The following UIMC1 variants were observed in gnomAD, a reference collection of about 807,000 sequenced individuals.
The protein encoded by UIMC1 is ubiquitin interaction motif containing 1, also known as BRCA1-A complex subunit RAP80.
Under a neutral mutation model 84.9 loss-of-function variants are expected in UIMC1, and 42 were observed. That is an observed-to-expected ratio of 0.49 (90% CI 0.39 to 0.64). UIMC1 has a LOEUF of 0.64. Ranked by LOEUF, UIMC1 falls within the 30% of genes least tolerant of loss-of-function variation. The pLI is 0.00. For synonymous variants in UIMC1, 281 were observed against 293.0 expected, an observed-to-expected ratio of 0.96 and a Z score of 0.42; for missense variants, 825 against 847.6, an observed-to-expected ratio of 0.97 and a Z score of 0.33.
chr5:176,939,256 C>CAAAAAAAA, intron 10 of UIMC1, among the ~76,000 whole-genome samples: 1 of 71,886 alleles, frequency 1.4e-5, no homozygotes, highest in Non-Finnish European at 2.8e-5. Context: ...GATCCTGTCT[C>CAAAAAAAA]AAAAAAAAAA....
chr5:177,014,653 A>G (rs1224170345), intron 1 of UIMC1, among the ~76,000 whole-genome samples: 1 of 152,026 alleles, frequency 6.6e-6, no homozygotes. Flanking sequence ...AGGTGAAATC[A>G]CAGTACTTCA....
chr5:176,943,663 GC>G (rs1410259647), intron 9 of UIMC1, among the ~76,000 whole-genome samples, 175 bp from the exon 10 acceptor site: 6 of 152,222 alleles, frequency 3.9e-5, no homozygotes, highest in African/African-American at 1.2e-4. Flanking sequence ...CTTATTCAGT[GC>G]CTTATACTGC....
intron 1 of UIMC1, among the ~76,000 whole-genome samples, chr5:176,993,917 A>G (rs557200161): frequency 6.6e-6 from 1 of 152,048 alleles, no homozygotes; most frequent in South Asian, 2.1e-4. Context: ...CTGAGGCAGG[A>G]GAACTGCTTG....
At chr5:176,981,828 A>G (rs1303989621) in intron 2 of UIMC1, among the ~76,000 whole-genome samples, 1 of 152,228 alleles carries the variant, frequency 6.6e-6, no homozygotes, top group East Asian at 1.9e-4. Context: ...AGAAAATCTG[A>G]AGGAAAAAAC....
At position 177,021,786 on chromosome 5, in the gene UIMC1, G is replaced by A. The variant is rs571040682; in HGVS notation, c.-9+678C>T. Among the ~76,000 whole-genome samples the A allele has an allele frequency of 3.0e-4, 46 of 152,232 alleles. 1 individual carries two copies. Among genetic ancestry groups the A allele is most frequent in the African/African-American group, 1.1e-3 (45 of 41,542 alleles). ...TCCTGGCTCAGCCTCCGAGTAGATG[G>A]GATTACAGGCATGTGCCACCACACC... On this transcript the variant is annotated intron_variant, in intron 1 of 5. Transcript: ENST00000509236.
intron 3 of UIMC1, 146 bp from the exon 4 acceptor site, chr5:176,971,012 C>T (rs1769121535): frequency 1.7e-6 from 2 of 1,182,382 alleles, no homozygotes. Context: ...TGAGGAAAAC[C>T]CCAGAAGGAA....
chr5:176,936,112 C>T (rs1253955366), intron 10 of UIMC1, among the ~76,000 whole-genome samples: 4 of 152,182 alleles, frequency 2.6e-5, no homozygotes, highest in Non-Finnish European at 5.9e-5. Flanking sequence ...TTTTATGTCT[C>T]ACCATCACAC....
chr5:176,911,050 T>C (rs762803091), intron 11 of UIMC1, among the ~76,000 whole-genome samples: 6 of 147,928 alleles, frequency 4.1e-5, no homozygotes, highest in Non-Finnish European at 8.9e-5. Context: ...GATTACGCCA[T>C]TGCACTCCAG....
At chr5:176,906,722 C>T (rs1479759600) in intron 13 of UIMC1, among the ~76,000 whole-genome samples, 2 of 152,114 alleles carry the variant, frequency 1.3e-5, no homozygotes, top group Non-Finnish European at 2.9e-5. Flanking sequence ...TCACAGGTTG[C>T]GACACTAAGA....
At chr5:176,934,174 GA>G (rs1175238265) in intron 10 of UIMC1, among the ~76,000 whole-genome samples, 1 of 151,846 alleles carries the variant, frequency 6.6e-6, no homozygotes, top group African/African-American at 2.4e-5. Flanking sequence ...CTAACAGCAG[GA>G]TATGAAAAAA....
intron 6 of UIMC1, among the ~76,000 whole-genome samples, chr5:176,965,009 A>C (rs920535689): frequency 1.3e-5 from 2 of 152,246 alleles, no homozygotes; most frequent in Non-Finnish European, 2.9e-5. Context: ...CACCTGAAAA[A>C]CAAAAGCAAA....
intron 1 of UIMC1, among the ~76,000 whole-genome samples, chr5:177,016,801 T>A (rs1456630422): frequency 6.6e-6 from 1 of 151,806 alleles, no homozygotes; most frequent in Non-Finnish European, 1.5e-5. Context: ...GGCAGGTGAA[T>A]CACCTGAGGT....
At chr5:177,000,245 C>T (rs1026466612) in intron 1 of UIMC1, among the ~76,000 whole-genome samples, 51 of 152,214 alleles carry the variant, frequency 3.4e-4, no homozygotes, top group African/African-American at 1.0e-3. Flanking sequence ...TAAGCCACCG[C>T]GCCCGGCATA....
intron 1 of UIMC1, among the ~76,000 whole-genome samples, chr5:176,984,954 C>A (rs1040618673): frequency 1.3e-5 from 2 of 152,212 alleles, no homozygotes; most frequent in South Asian, 4.2e-4. Context: ...ACAAACACTG[C>A]GGAAGGCCAC....
intron 1 of UIMC1, among the ~76,000 whole-genome samples, chr5:177,002,667 G>A (rs1774699773): frequency 6.6e-6 from 1 of 152,094 alleles, no homozygotes; most frequent in African/African-American, 2.4e-5. Context: ...CGGGCGTAGT[G>A]GCACGCGCCT....
chr5:176,961,144 A>G (rs1475625119), intron 6 of UIMC1, among the ~76,000 whole-genome samples: 1 of 79,512 alleles, frequency 1.3e-5, no homozygotes, highest in Non-Finnish European at 2.3e-5. Flanking sequence ...CTGGGAAGTG[A>G]GGAGCGTCTC....
intron 8 of UIMC1, 74 bp from the exon 9 acceptor site, chr5:176,951,651 A>T (rs1765894017): frequency 9.0e-7 from 1 of 1,106,932 alleles, no homozygotes; most frequent in South Asian, 1.8e-5. Flanking sequence ...AAACATGCCT[A>T]TTTTCACCTA....
chr5:176,916,066 T>C (rs1050240779), intron 10 of UIMC1, among the ~76,000 whole-genome samples: 1 of 152,212 alleles, frequency 6.6e-6, no homozygotes, highest in Admixed American at 6.5e-5. Flanking sequence ...TGCCGCTGTT[T>C]TTCCTTTGAA....
rs1475925601 is a variant in UIMC1, at chr5:176,969,341, G to A, written c.464-50C>T. 2.6e-6 allele frequency: 4 copies of A among 1,544,742 alleles called. No homozygotes were observed. The African/African-American group carries it at 4.2e-5, about 16-fold the overall frequency. The stretch of plus-strand genomic sequence containing the variant: ...GGCTAAGGACAAACTTTTTTATTAA[G>A]AGGGCTTGGTAAGTTATCACTTACC... On this transcript the variant is annotated intron_variant, in intron 5 of 14. Coordinates refer to ENST00000511320, the MANE Select transcript of UIMC1 (RefSeq NM_001199298.2).
Sources: gnomAD v4.1 joint callset for allele counts (sites outside exome capture counted in the v4.1 genomes callset) on GRCh38, gnomAD v4.1.1 for gene constraint, MANE v1.5 for transcripts, NCBI Gene and HGNC (gene_info 2026-07-23, HGNC 2026-07-21) for gene names.